The following CTNNA1 variants were observed in gnomAD, a reference collection of about 807,000 sequenced individuals.
CTNNA1 encodes the protein catenin alpha 1.
Under a neutral mutation model 98.4 loss-of-function variants are expected in CTNNA1, and 37 were observed. The ratio of observed to expected loss-of-function variants is 0.38; its 90% CI spans 0.29 to 0.49. CTNNA1 has a LOEUF of 0.49. Ranked by LOEUF, CTNNA1 falls within the 20% of genes least tolerant of loss-of-function variation. CTNNA1 has a pLI of 0.95. For synonymous variants in CTNNA1, 404 were observed against 413.2 expected, an observed-to-expected ratio of 0.98 and a Z score of 0.27; for missense variants, 761 against 1,147.2, an observed-to-expected ratio of 0.66 and a Z score of 4.86.
intron 4 of CTNNA1, among the ~76,000 whole-genome samples, chr5:138,811,730 A>G (rs1039269382): frequency 7.9e-5 from 12 of 152,082 alleles, no homozygotes; most frequent in Admixed American, 3.3e-4. Flanking sequence ...AGCCCGGCCA[A>G]CACAGCGAAA....
At chr5:138,764,358 C>T (rs1752679843) in intron 1 of CTNNA1, among the ~76,000 whole-genome samples, 1 of 151,880 alleles carries the variant, frequency 6.6e-6, no homozygotes. Context: ...AAGAGTGAAA[C>T]TCTGTCTCAA....
At chr5:138,776,526 C>T (rs1046733538) in intron 1 of CTNNA1, among the ~76,000 whole-genome samples, 9 of 152,324 alleles carry the variant, frequency 5.9e-5, no homozygotes, top group Non-Finnish European at 8.8e-5. Context: ...AAACCGCCAT[C>T]GTCATCATGG....
At position 138,874,143 on chromosome 5, in the gene CTNNA1, G is replaced by A; in HGVS notation, c.1063-12069G>A. ...AGAGATGACAGCTGATTAAAAGACA[G>A]GTCCAAATTTTGCAGGTTAATCAGT... On this transcript the variant is annotated intron_variant, in intron 7 of 17. Coordinates refer to ENST00000302763, the MANE Select transcript of CTNNA1 (RefSeq NM_001903.5). The surrounding 1 kb of genome is among the most constrained non-coding windows in gnomAD (Gnocchi z 4.1). 6.2e-7 allele frequency: 1 copy of A among 1,613,678 alleles called. No homozygotes were observed. The highest frequency in any genetic ancestry group is 8.5e-7 in the Non-Finnish European group (1 of 1,179,724).
intron 3 of CTNNA1, among the ~76,000 whole-genome samples, chr5:138,806,484 A>G (rs867375517): frequency 6.6e-6 from 1 of 151,742 alleles, no homozygotes; most frequent in African/African-American, 2.4e-5. Context: ...AGGTGATCAG[A>G]TCTTTTGACC....
chr5:138,765,341 C>T (rs1049517501), intron 1 of CTNNA1, among the ~76,000 whole-genome samples: 4 of 151,888 alleles, frequency 2.6e-5, no homozygotes, highest in African/African-American at 7.3e-5. Context: ...GCGCCCGGCC[C>T]CAGCTAATTT....
At chr5:138,846,414 ATTATC>A (rs1473464717) in intron 7 of CTNNA1, among the ~76,000 whole-genome samples, 17 of 152,252 alleles carry the variant, frequency 1.1e-4, no homozygotes, top group Admixed American at 8.5e-4. Flanking sequence ...TCAGTAGATA[ATTATC>A]TTATATATTT....
At chr5:138,808,992 A>AT (rs918279370) in intron 3 of CTNNA1, among the ~76,000 whole-genome samples, 31 of 152,112 alleles carry the variant, frequency 2.0e-4, no homozygotes, top group African/African-American at 4.3e-4. Flanking sequence ...ATTTTTAAAA[A>AT]TTTTTTTAAA....
In CTNNA1 at chr5:138,812,312, T is replaced by C; in HGVS notation, c.588+10T>C. ...AGCCAAAAGACAACAGGTACAGTCA[T>C]GATTTGGGGATATATTAAAGTTGTT... On this transcript the variant is annotated intron_variant, in intron 5 of 17. Transcript: ENST00000302763. The C allele has an allele frequency of 1.9e-6, 3 of 1,605,806 alleles. No individual in the cohort carries two copies. Among genetic ancestry groups the C allele is most frequent in the Non-Finnish European group, 2.5e-6 (3 of 1,177,966 alleles).
chr5:138,924,406 T>C, intron 11 of CTNNA1, 104 bp from the exon 12 acceptor site: 1 of 1,140,344 alleles, frequency 8.8e-7, no homozygotes, highest in Non-Finnish European at 1.3e-6. Flanking sequence ...CTTTCAGCAC[T>C]GTGGCTGGCA....
In CTNNA1 at chr5:138,913,860, A is replaced by G. The variant is rs77290523; in HGVS notation, c.1390-3882A>G. ...AGTAGCATGTTAAGGACATATCTATATATTTTTTTAAAGACAGGGTCTCAT... is the reference window on the plus strand; with the variant it reads ...AGTAGCATGTTAAGGACATATCTATGTATTTTTTTAAAGACAGGGTCTCAT... On this transcript the variant is annotated intron_variant, in intron 10 of 17. Coordinates refer to ENST00000302763, the MANE Select transcript of CTNNA1 (RefSeq NM_001903.5). Among the ~76,000 whole-genome samples the G allele has an allele frequency of 1.9e-3, 291 of 152,224 alleles. 5 individuals carry two copies. In the East Asian group the frequency reaches 0.042, roughly 22 times the overall value.
At chr5:138,865,022 C>T (rs1390000745) in intron 7 of CTNNA1, among the ~76,000 whole-genome samples, 2 of 152,042 alleles carry the variant, frequency 1.3e-5, no homozygotes, top group African/African-American at 4.8e-5. Context: ...CCATCTTGGC[C>T]AGGCTGGTCT....
chr5:138,784,430 G>A (rs889203305), intron 3 of CTNNA1, among the ~76,000 whole-genome samples: 7 of 152,128 alleles, frequency 4.6e-5, no homozygotes, highest in Admixed American at 4.6e-4. Context: ...CCATAAATGG[G>A]CAGTGCCTTA....
chr5:138,802,095 C>T (rs1214802582), intron 3 of CTNNA1, among the ~76,000 whole-genome samples: 3 of 152,074 alleles, frequency 2.0e-5, no homozygotes, highest in African/African-American at 2.4e-5. Flanking sequence ...TATGATGATT[C>T]GCCAAGGGAT....
At chr5:138,895,232 C>CCCT (rs1447810632) in intron 9 of CTNNA1, among the ~76,000 whole-genome samples, 7 of 152,142 alleles carry the variant, frequency 4.6e-5, no homozygotes, top group Non-Finnish European at 1.0e-4. Context: ...ACCACCCAGC[C>CCCT]CCCTCCCCAA....
In CTNNA1 at chr5:138,827,495, C is replaced by T. The variant is rs770552795; in HGVS notation, c.859-20C>T. The T allele has an allele frequency of 7.4e-6, 12 of 1,611,666 alleles. No individual in the cohort carries two copies. The highest frequency in any genetic ancestry group is 4.4e-5 in the South Asian group (4 of 91,016). On this transcript the variant is annotated intron_variant, in intron 6 of 17. Transcript: ENST00000302763. The stretch of plus-strand genomic sequence containing the variant: ...GGGAACAGAGATGAGTACTAACATT[C>T]GGTAATACTTTCTCTGCAGAAACAA...
At chr5:138,766,151 C>G (rs1752919366) in intron 1 of CTNNA1, among the ~76,000 whole-genome samples, 2 of 152,088 alleles carry the variant, frequency 1.3e-5, no homozygotes. Flanking sequence ...TACACACACA[C>G]AGATAATAGT....
chr5:138,898,601 T>TAA (rs74525874), intron 9 of CTNNA1, among the ~76,000 whole-genome samples: 2,216 of 143,128 alleles, frequency 0.015, 50 homozygotes, highest in African/African-American at 0.052. Flanking sequence ...GACCCTGTCT[T>TAA]AAAAAAAAAA....
At chr5:138,899,794 G>A (rs1425909383) in intron 9 of CTNNA1, among the ~76,000 whole-genome samples, 1 of 152,118 alleles carries the variant, frequency 6.6e-6, no homozygotes, top group East Asian at 1.9e-4. Flanking sequence ...TTTTTCACCT[G>A]CCTAGCTCTG....
chr5:138,828,400 A>G (rs995077399), intron 7 of CTNNA1, among the ~76,000 whole-genome samples: 19 of 152,040 alleles, frequency 1.2e-4, no homozygotes, highest in Non-Finnish European at 1.2e-4. Context: ...AGAAAATTCT[A>G]TATTTGTTGA....
Sources: allele counts gnomAD v4.1 joint callset (sites outside exome capture counted in the v4.1 genomes callset), GRCh38; gene constraint gnomAD v4.1.1; non-coding constraint Gnocchi (gnomAD v3.1); transcripts MANE v1.5; gene names NCBI Gene and HGNC (gene_info 2026-07-23, HGNC 2026-07-21).